NEK11: variants seen among roughly 807,000 people sequenced by gnomAD.
NEK11 encodes the protein NIMA related kinase 11, also known as serine/threonine-protein kinase Nek11.
In NEK11, 72 loss-of-function variants were observed where a neutral mutation model predicts 80.7. The observed-to-expected ratio is 0.89, with a 90% CI of 0.74 to 1.08. The LOEUF (loss-of-function observed/expected upper bound fraction) is 1.08, where lower values mean the gene tolerates loss of function less well. NEK11 is among the 50% of genes least tolerant of loss of function. The pLI, the probability that NEK11 is intolerant of heterozygous loss-of-function variation, is 0.00. For synonymous variants in NEK11, 251 were observed against 260.7 expected (o/e 0.96, Z 0.36); for missense variants, 764 against 763.6 (o/e 1.00, Z -0.01).
At chr3:131,203,783 A>G (rs1445895152) in intron 14 of NEK11, among the ~76,000 whole-genome samples, 502 of 6,136 alleles carry the variant, frequency 0.082, 16 homozygotes, top group African/African-American at 0.18. Context: ...ATATATATAT[A>G]TATATATATA....
intron 17 of NEK11, among the ~76,000 whole-genome samples, chr3:131,305,212 G>T (rs2096710561): frequency 6.6e-6 from 1 of 152,048 alleles, no homozygotes. Context: ...CCAAACAATT[G>T]TAAGAAGGTC....
chr3:131,038,669 CT>C (rs1481314954), intron 3 of NEK11, among the ~76,000 whole-genome samples: 1 of 152,130 alleles, frequency 6.6e-6, no homozygotes, highest in East Asian at 1.9e-4. Context: ...AAAAATTCTT[CT>C]TAAAAATAAT....
At chr3:131,107,682 A>G (rs142026794) in intron 4 of NEK11, among the ~76,000 whole-genome samples, 1 of 107,470 alleles carries the variant, frequency 9.3e-6, no homozygotes, top group East Asian at 2.2e-4. Context: ...CAAATATTGT[A>G]TTTCCAATAT....
intron 17 of NEK11, among the ~76,000 whole-genome samples, chr3:131,342,263 T>C (rs900562338): frequency 6.6e-6 from 1 of 152,218 alleles, no homozygotes; most frequent in African/African-American, 2.4e-5. Flanking sequence ...ATTTTAAACC[T>C]CTTTCTGTAA....
chr3:131,046,989 T>A (rs1023229787), intron 3 of NEK11, among the ~76,000 whole-genome samples: 1 of 152,200 alleles, frequency 6.6e-6, no homozygotes, highest in African/African-American at 2.4e-5. Flanking sequence ...TTTAAAAAAA[T>A]TATTTTTTCT....
intron 17 of NEK11, among the ~76,000 whole-genome samples, chr3:131,288,316 T>G (rs939733475): frequency 6.6e-6 from 1 of 152,184 alleles, no homozygotes; most frequent in African/African-American, 2.4e-5. Flanking sequence ...TTTTCCTGAG[T>G]AGCAGGTTTG....
chr3:131,129,370 C>T (rs536107154), intron 5 of NEK11, among the ~76,000 whole-genome samples: 22 of 152,084 alleles, frequency 1.4e-4, no homozygotes, highest in Admixed American at 7.2e-4. Context: ...CTATCAGATA[C>T]GTCTTTTGCA....
intron 14 of NEK11, among the ~76,000 whole-genome samples, chr3:131,206,865 G>A (rs1219600307): frequency 6.6e-6 from 1 of 152,040 alleles, no homozygotes; most frequent in Non-Finnish European, 1.5e-5. Context: ...CCCACCCTGT[G>A]TCTAAGTGTT....
chr3:131,138,650 G>A (rs1389073994), intron 7 of NEK11, among the ~76,000 whole-genome samples: 2 of 152,118 alleles, frequency 1.3e-5, no homozygotes, highest in Non-Finnish European at 2.9e-5. Context: ...GAGTGCTTGT[G>A]TCACCCCACC....
At chr3:131,180,100 G>A (rs901622836) in intron 14 of NEK11, among the ~76,000 whole-genome samples, 1 of 152,120 alleles carries the variant, frequency 6.6e-6, no homozygotes, top group Non-Finnish European at 1.5e-5. Flanking sequence ...GGCTTTCAAT[G>A]TTCCCACAAG....
chr3:131,062,900 C>T (rs1396427304), intron 3 of NEK11, among the ~76,000 whole-genome samples: 1 of 152,184 alleles, frequency 6.6e-6, no homozygotes, highest in Non-Finnish European at 1.5e-5. Flanking sequence ...CTGTAATCAA[C>T]TACATAAAGC....
rs2092473162 is a variant in NEK11 at position 131,168,890 on chromosome 3, T to G, written c.1237T>G (p.Cys413Gly). Reference sequence around the variant, plus strand: ...GGAGCAACCTGAGGGAAGACTTTCTTGTTCACCCCAGGACGAGGATGAAGA... The same window carrying G: ...GGAGCAACCTGAGGGAAGACTTTCTGGTTCACCCCAGGACGAGGATGAAGA... ...KEEQPEGRLSCSPQDEDEERW... is the reference protein window; with the variant it reads ...KEEQPEGRLSGSPQDEDEERW... Residue 413 changes from cysteine to glycine, a missense_variant, in exon 13 of 18, where the codon TGT (cysteine) becomes GGT (glycine). Coordinates refer to ENST00000383366, the MANE Select transcript of NEK11 (RefSeq NM_024800.5). The G allele has an allele frequency of 2.5e-6, 4 of 1,613,864 alleles. No individual in the cohort carries two copies. The highest frequency in any genetic ancestry group is 3.3e-5 in the Admixed American group (2 of 59,992).
chr3:131,331,489 C>A (rs2097080836), intron 17 of NEK11, among the ~76,000 whole-genome samples: 1 of 152,114 alleles, frequency 6.6e-6, no homozygotes, highest in African/African-American at 2.4e-5. Context: ...GCCAAGATGG[C>A]CGAATAGGAA....
chr3:131,197,456 G>C (rs2094064064), intron 14 of NEK11, among the ~76,000 whole-genome samples: 1 of 152,156 alleles, frequency 6.6e-6, no homozygotes, highest in Non-Finnish European at 1.5e-5. Flanking sequence ...TTCTGGAAGA[G>C]ACAAACTTAA....
chr3:131,083,186 C>A (rs1236479784), intron 4 of NEK11, among the ~76,000 whole-genome samples: 1 of 152,230 alleles, frequency 6.6e-6, no homozygotes. Flanking sequence ...TCGAGAATCA[C>A]CCATCTAATT....
chr3:131,145,730 C>A (rs190362413), intron 7 of NEK11, among the ~76,000 whole-genome samples: 180 of 152,196 alleles, frequency 1.2e-3, no homozygotes, highest in Non-Finnish European at 1.8e-3. Flanking sequence ...TCTCTAGAGC[C>A]AGATAGCCTG....
chr3:131,264,065 A>AT (rs1387485438), intron 16 of NEK11, among the ~76,000 whole-genome samples: 3 of 151,584 alleles, frequency 2.0e-5, no homozygotes, highest in Admixed American at 1.3e-4. Flanking sequence ...GGGTTGTTTG[A>AT]TTTTTTCTTG....
intron 3 of NEK11, chr3:131,053,564 G>A (rs1275426743): frequency 6.6e-6 from 1 of 152,166 alleles, no homozygotes; most frequent in East Asian, 1.9e-4. Context: ...AAAAGAAAAA[G>A]GCATCAATTT....
intron 5 of NEK11, among the ~76,000 whole-genome samples, chr3:131,113,910 CAAAAA>C (rs35868059): frequency 5.9e-5 from 6 of 101,604 alleles, no homozygotes; most frequent in Non-Finnish European, 4.0e-5. Flanking sequence ...GACTCCCTCT[CAAAAA>C]AAAAAAAAAA....
Sources: gnomAD v4.1 joint callset for allele counts (sites outside exome capture counted in the v4.1 genomes callset) on GRCh38, gnomAD v4.1.1 for gene constraint, MANE v1.5 for transcripts, NCBI Gene and HGNC (gene_info 2026-07-23, HGNC 2026-07-21) for gene names.